Variants in SCOC observed in about 807,000 individuals in gnomAD.
SCOC encodes short coiled coil protein.
Under a neutral mutation model 9.9 loss-of-function variants are expected in SCOC, and 7 were observed. That is an observed-to-expected ratio of 0.71 (90% CI 0.40 to 1.33). The LOEUF (loss-of-function observed/expected upper bound fraction) is 1.33, where lower values mean the gene tolerates loss of function less well. SCOC is among the 40% of genes most tolerant of loss of function. SCOC has a pLI of 0.01. For synonymous variants in SCOC, 19 were observed against 28.2 expected (o/e 0.67, Z 1.03); for missense variants, 66 against 89.7 (o/e 0.74, Z 1.07).
At chr4:140,326,846 T>A (rs1732664575) in intron 1 of SCOC, among the ~76,000 whole-genome samples, 1 of 152,232 alleles carries the variant, frequency 6.6e-6, no homozygotes, top group African/African-American at 2.4e-5. Flanking sequence ...CTCAATCTGA[T>A]AACATTCATT....
chr4:140,303,035 A>C (rs1731857165), intron 1 of SCOC, among the ~76,000 whole-genome samples: 1 of 151,780 alleles, frequency 6.6e-6, no homozygotes, highest in African/African-American at 2.4e-5. Context: ...CCCTACTAAC[A>C]AGGAGAGGCT....
chr4:140,308,656 T>C (rs1732061034), intron 1 of SCOC, among the ~76,000 whole-genome samples: 1 of 152,198 alleles, frequency 6.6e-6, no homozygotes, highest in East Asian at 1.9e-4. Context: ...CGCACGCTCA[T>C]GCACTCACAT....
chr4:140,259,321 C>T (rs142056319), intron 1 of SCOC, among the ~76,000 whole-genome samples: 41 of 152,264 alleles, frequency 2.7e-4, no homozygotes, highest in East Asian at 7.7e-4. Context: ...TCTTGCTTTT[C>T]GTTCCTACTG....
chr4:140,295,588 C>T (rs1400195986), intron 1 of SCOC, among the ~76,000 whole-genome samples: 1 of 152,174 alleles, frequency 6.6e-6, no homozygotes, highest in African/African-American at 2.4e-5. Flanking sequence ...GCCCCGCCTG[C>T]TGGCTGGGCT....
intron 2 of SCOC, among the ~76,000 whole-genome samples, chr4:140,347,599 C>G (rs755879566): frequency 2.0e-5 from 3 of 152,122 alleles, no homozygotes; most frequent in African/African-American, 4.8e-5. Context: ...GACACACGCT[C>G]TGGATGATCC....
chr4:140,380,649 C>T (rs1372129946), intron 3 of SCOC, among the ~76,000 whole-genome samples: 1 of 152,106 alleles, frequency 6.6e-6, no homozygotes, highest in Non-Finnish European at 1.5e-5. Context: ...TTAAACATTT[C>T]TAGTAAAGAT....
chr4:140,370,240 T>C (rs1331309537), upstream of SCOC, among the ~76,000 whole-genome samples: 1 of 152,178 alleles, frequency 6.6e-6, no homozygotes, highest in South Asian at 2.1e-4. Flanking sequence ...ACTGTTTCAA[T>C]TATTTTAAAT....
chr4:140,342,809 C>A (rs528993044), upstream of SCOC, among the ~76,000 whole-genome samples: 55 of 152,278 alleles, frequency 3.6e-4, no homozygotes, highest in African/African-American at 1.2e-3. Context: ...CCTCCTCAAA[C>A]AAAGGGTCCC....
intron 1 of SCOC, among the ~76,000 whole-genome samples, chr4:140,298,205 G>A (rs1004032132): frequency 3.9e-5 from 6 of 152,166 alleles, no homozygotes; most frequent in Admixed American, 6.5e-5. Context: ...CTGCTGAGTC[G>A]TCCCTGGTTC....
upstream of SCOC, among the ~76,000 whole-genome samples, chr4:140,342,712 T>A (rs1035329363): frequency 1.3e-5 from 2 of 152,226 alleles, no homozygotes; most frequent in African/African-American, 4.8e-5. Context: ...AAGGAGTGAT[T>A]ATTTGAAATT....
intron 1 of SCOC, among the ~76,000 whole-genome samples, chr4:140,333,616 T>A (rs7684746): frequency 6.6e-6 from 1 of 152,118 alleles, no homozygotes; most frequent in Non-Finnish European, 1.5e-5. Context: ...AAAAGTTACA[T>A]ACAATGTGTA....
upstream of SCOC, chr4:140,373,505 A>C: frequency 5.2e-6 from 8 of 1,551,482 alleles, no homozygotes; most frequent in South Asian, 1.2e-5. Context: ...CGGTGCTTTG[A>C]GATTGGACGA....
intron 2 of SCOC, among the ~76,000 whole-genome samples, chr4:140,363,999 G>A (rs926908741): frequency 2.0e-5 from 3 of 152,116 alleles, no homozygotes; most frequent in African/African-American, 7.2e-5. Context: ...TGCAGCTGTG[G>A]TTGCCCACCG....
At chr4:140,306,573 C>T (rs1161848772) in intron 1 of SCOC, among the ~76,000 whole-genome samples, 6 of 151,920 alleles carry the variant, frequency 3.9e-5, no homozygotes, top group African/African-American at 1.5e-4. Context: ...AGGAGATGTG[C>T]CTGGACCACC....
intron 1 of SCOC, among the ~76,000 whole-genome samples, chr4:140,259,620 G>A (rs941911802): frequency 3.9e-5 from 6 of 152,202 alleles, no homozygotes; most frequent in Non-Finnish European, 7.3e-5. Flanking sequence ...GAGGTGGGAG[G>A]ATGGCTTGAG....
At position 140,290,323 on chromosome 4, in the gene SCOC, T is replaced by TC. The variant is rs558434652; in HGVS notation, c.-19+32914dup. Among the ~76,000 whole-genome samples the TC allele has an allele frequency of 1.8e-3, 279 of 152,340 alleles. 3 individuals are homozygous for TC. The highest frequency in any genetic ancestry group is 5.6e-3 in the African/African-American group (231 of 41,572). On this transcript the variant is annotated intron_variant, in intron 1 of 4. Transcript: ENST00000394205. The stretch of plus-strand genomic sequence containing the variant: ...CAGATCATAAACCAACCTTGGGCTT[T>TC]CTCCTCTTTCTTTCTTCAGCTGGTC...
intron 2 of SCOC, among the ~76,000 whole-genome samples, chr4:140,362,063 G>A (rs1343795932): frequency 1.5e-5 from 2 of 130,554 alleles, no homozygotes; most frequent in East Asian, 2.5e-4. Flanking sequence ...TTCTGAGCAC[G>A]ACACAGACAC....
At position 140,366,376 on chromosome 4, in the gene SCOC, C is replaced by T. The variant is rs534201363; in HGVS notation, c.71-12745C>T. ...TAAGCTGGAGCCTTCTTGCCTGCAG[C>T]GGTCATCTTTTTGCTAGAACTTTAG... On this transcript the variant is annotated intron_variant, in intron 2 of 4. Transcript: ENST00000338517. 7.7e-5 allele frequency: 98 copies of T among 1,267,610 alleles called. 1 individual carries two copies. In the South Asian group the frequency reaches 1.2e-3, roughly 15 times the overall value. 78.5% of individuals were successfully genotyped at this position (1,267,610 alleles called of 1,614,324 possible). A position where few individuals can be genotyped will look rare whatever the true frequency, so the allele number is the denominator to read the frequency against.
At chr4:140,329,487 A>G (rs1309057340) in intron 1 of SCOC, among the ~76,000 whole-genome samples, 1 of 152,254 alleles carries the variant, frequency 6.6e-6, no homozygotes, top group African/African-American at 2.4e-5. Flanking sequence ...GCATAGCTAA[A>G]GAAATAAGCA....
Sources: gnomAD v4.1 joint callset for allele counts (sites outside exome capture counted in the v4.1 genomes callset) on GRCh38, gnomAD v4.1.1 for gene constraint, MANE v1.5 for transcripts, NCBI Gene and HGNC (gene_info 2026-07-23, HGNC 2026-07-21) for gene names.